The following PACRG variants were observed in gnomAD, a reference collection of about 807,000 sequenced individuals.
PACRG encodes parkin coregulated.
A neutral mutation model predicts 29.7 loss-of-function variants in PACRG; 29 were observed. That is an observed-to-expected ratio of 0.98 (90% confidence interval 0.73 to 1.33). The LOEUF is 1.33. Ranked by LOEUF, PACRG falls within the 40% of genes most tolerant of loss-of-function variation. The pLI is 0.00. For missense variants in PACRG, 279 were observed against 316.2 expected (o/e 0.88, Z 0.89); for synonymous variants, 116 against 118.7 (o/e 0.98, Z 0.15).
chr6:162,727,787 G>T (rs1230762405), upstream of PACRG: 5 of 1,113,968 alleles, frequency 4.5e-6, no homozygotes, highest in Non-Finnish European at 6.5e-6. Flanking sequence ...CCGCCCCCGC[G>T]CCCGGCCCTA....
intron 4 of PACRG, among the ~76,000 whole-genome samples, chr6:163,216,784 T>A (rs187566836): frequency 6.2e-4 from 95 of 152,348 alleles, no homozygotes; most frequent in African/African-American, 2.1e-3. Flanking sequence ...GCTGTCCAAT[T>A]TATTTTAATT....
chr6:163,267,040 G>A (rs7746999), intron 4 of PACRG, among the ~76,000 whole-genome samples: 5 of 152,000 alleles, frequency 3.3e-5, no homozygotes, highest in Admixed American at 1.3e-4. Flanking sequence ...AAAAGGCAGA[G>A]GGTACTAAAG....
At chr6:162,762,273 G>C (rs1782436271) in intron 1 of PACRG, among the ~76,000 whole-genome samples, 1 of 152,198 alleles carries the variant, frequency 6.6e-6, no homozygotes, top group African/African-American at 2.4e-5. Flanking sequence ...TCAGCAGGTT[G>C]AGAATGGAAA....
intron 4 of PACRG, among the ~76,000 whole-genome samples, chr6:163,219,970 C>CT (rs1430284004): frequency 2.0e-5 from 3 of 152,202 alleles, no homozygotes; most frequent in Non-Finnish European, 4.4e-5. Flanking sequence ...CATATCTTAC[C>CT]TTGCTTTATT....
At chr6:162,868,646 G>A (rs1394759960) in intron 2 of PACRG, among the ~76,000 whole-genome samples, 1 of 152,094 alleles carries the variant, frequency 6.6e-6, no homozygotes, top group African/African-American at 2.4e-5. Context: ...GCGCACCCGA[G>A]CCGCCAGAGC....
In PACRG at chr6:162,754,501, A is replaced by G. The variant is rs886924301; in HGVS notation, c.156+26110A>G. On this transcript the variant is annotated intron_variant, in intron 1 of 4. Transcript: ENST00000366888. ...ATTTGTCTATTTTGCTTTTCCTTTT[A>G]TTGCCTGTGCTTTTGGAGTTATATC... is the stretch of plus-strand genomic sequence containing the variant. Among the ~76,000 whole-genome samples the G allele has an allele frequency of 5.9e-5, 9 of 151,732 alleles. No homozygotes were observed. The East Asian group carries it at 1.4e-3, about 23-fold the overall frequency.
At chr6:163,110,440 A>G (rs764796460) in intron 4 of PACRG, among the ~76,000 whole-genome samples, 4 of 152,250 alleles carry the variant, frequency 2.6e-5, no homozygotes, top group Non-Finnish European at 2.9e-5. Flanking sequence ...GCCAGTGACA[A>G]TAATGATGGT....
chr6:162,907,415 T>C (rs1796008056), intron 2 of PACRG, among the ~76,000 whole-genome samples: 2 of 152,162 alleles, frequency 1.3e-5, no homozygotes. Flanking sequence ...TAATATTTTT[T>C]ACATGATCTG....
At chr6:162,938,541 G>T (rs965055375) in intron 2 of PACRG, among the ~76,000 whole-genome samples, 1 of 151,890 alleles carries the variant, frequency 6.6e-6, no homozygotes, top group Non-Finnish European at 1.5e-5. Flanking sequence ...GGATCAAATG[G>T]TAGTTCTACT....
chr6:163,095,265 T>C (rs1372482287), intron 4 of PACRG: 8 of 985,194 alleles, frequency 8.1e-6, no homozygotes, highest in Non-Finnish European at 7.2e-6. Flanking sequence ...AATCCACTTA[T>C]AAAAAGCATC....
chr6:162,920,116 T>C (rs568838633), intron 2 of PACRG, among the ~76,000 whole-genome samples: 27 of 151,862 alleles, frequency 1.8e-4, no homozygotes, highest in African/African-American at 6.5e-4. Context: ...AGGTGTTCAC[T>C]GTTATTTACA....
At chr6:162,981,360 A>T (rs1049177285) in intron 2 of PACRG, among the ~76,000 whole-genome samples, 7 of 151,270 alleles carry the variant, frequency 4.6e-5, no homozygotes, top group Non-Finnish European at 8.8e-5. Context: ...CAATGATTGG[A>T]TAAAGAAAAT....
At chr6:163,220,401 A>C (rs1781536129) in intron 4 of PACRG, among the ~76,000 whole-genome samples, 1 of 152,210 alleles carries the variant, frequency 6.6e-6, no homozygotes, top group Non-Finnish European at 1.5e-5. Flanking sequence ...AAGCGGGGGC[A>C]AGTGGGGCTG....
At chr6:162,890,243 AGATTT>A (rs1409580341) in intron 2 of PACRG, among the ~76,000 whole-genome samples, 1 of 152,194 alleles carries the variant, frequency 6.6e-6, no homozygotes, top group Non-Finnish European at 1.5e-5. Flanking sequence ...AAAGCAAAAA[AGATTT>A]AAGTGATAAA....
intron 2 of PACRG, among the ~76,000 whole-genome samples, chr6:162,936,099 C>A (rs1426332569): frequency 6.6e-6 from 1 of 152,122 alleles, no homozygotes; most frequent in Non-Finnish European, 1.5e-5. Context: ...ATGACAGCTG[C>A]AAGAGAGAGA....
At chr6:163,233,181 A>C (rs909018130) in intron 4 of PACRG, among the ~76,000 whole-genome samples, 2 of 152,226 alleles carry the variant, frequency 1.3e-5, no homozygotes, top group African/African-American at 4.8e-5. Context: ...CCTGCTCACT[A>C]TCCTTTGTAT....
chr6:162,920,463 T>A (rs1290245509), intron 2 of PACRG, among the ~76,000 whole-genome samples: 6 of 152,204 alleles, frequency 3.9e-5, no homozygotes, highest in Non-Finnish European at 8.8e-5. Context: ...TGGTCTATTA[T>A]GAGAACTCTG....
rs146329068 is a variant in PACRG at position 162,972,670 on chromosome 6, C to G, written c.292-89480C>G. Among the ~76,000 whole-genome samples, 300 of 152,250 alleles carry G rather than the reference C, an allele frequency of 2.0e-3. 1 individual carries two copies. Among genetic ancestry groups the G allele is most frequent in the Middle Eastern group, 3.4e-3 (1 of 294 alleles). On this transcript the variant is annotated intron_variant, in intron 2 of 4. Coordinates refer to ENST00000366888, the MANE Select transcript of PACRG (RefSeq NM_001080379.2). ...TCATTGAAGTGAAAGCATGAGTCTC[C>G]CATATTGAAAGACGAGAAGATCCCA...
intron 4 of PACRG, among the ~76,000 whole-genome samples, chr6:163,234,506 A>G (rs1488454187): frequency 1.3e-5 from 2 of 152,164 alleles, no homozygotes; most frequent in Non-Finnish European, 2.9e-5. Context: ...TGTTTCTTGT[A>G]TGGCCTGCAG....
Sources: gnomAD v4.1 joint callset for allele counts (sites outside exome capture counted in the v4.1 genomes callset) on GRCh38, gnomAD v4.1.1 for gene constraint, MANE v1.5 for transcripts, NCBI Gene and HGNC (gene_info 2026-07-23, HGNC 2026-07-21) for gene names.